The following LINGO2 variants were observed in gnomAD, a reference collection of about 807,000 sequenced individuals.
LINGO2 encodes the protein leucine-rich repeat and immunoglobulin-like domain-containing nogo receptor-interacting protein 2.
LINGO2 carries 14 observed loss-of-function variants against 30.6 expected under a neutral mutation model. The ratio of observed to expected loss-of-function variants is 0.46; its 90% CI spans 0.30 to 0.72. The LOEUF (loss-of-function observed/expected upper bound fraction) is 0.72. Among genes scored for constraint, LINGO2 ranks in the 30% least tolerant of loss-of-function variants. The probability of loss-of-function intolerance (pLI) is 0.07; values close to 1 mark genes in which losing one functional copy is unlikely to be tolerated. For synonymous variants in LINGO2, 317 were observed against 288.5 expected, an observed-to-expected ratio of 1.10 and a Z score of -1.00; for missense variants, 729 against 751.7, an observed-to-expected ratio of 0.97 and a Z score of 0.35.
At chr9:28,021,716 A>C (rs1054719209) in intron 4 of LINGO2, among the ~76,000 whole-genome samples, 1 of 152,106 alleles carries the variant, frequency 6.6e-6, no homozygotes, top group Admixed American at 6.6e-5. Flanking sequence ...CTCTTGGAGA[A>C]CTGACCTATT....
chr9:28,062,139 A>T (rs534155547), intron 4 of LINGO2, among the ~76,000 whole-genome samples: 1 of 152,020 alleles, frequency 6.6e-6, no homozygotes, highest in Non-Finnish European at 1.5e-5. Context: ...CCAAGACTGG[A>T]AAAGTAAAAG....
At chr9:29,189,158 C>T in the LINGO2 span, among the ~76,000 whole-genome samples, 1 of 145,766 alleles carries the variant, frequency 6.9e-6, no homozygotes, top group Non-Finnish European at 1.5e-5. Context: ...ACCCCCCCAC[C>T]TCCCTCCTGG....
chr9:28,300,685 C>T (rs1368601632), intron 3 of LINGO2, among the ~76,000 whole-genome samples: 1 of 152,008 alleles, frequency 6.6e-6, no homozygotes. Flanking sequence ...TTCCATCCTT[C>T]TTTCCTTTCC....
the LINGO2 span, among the ~76,000 whole-genome samples, chr9:28,737,843 C>T: frequency 6.6e-6 from 1 of 152,084 alleles, no homozygotes; most frequent in Non-Finnish European, 1.5e-5. Flanking sequence ...AACACACACA[C>T]ATGCACTTTA....
the LINGO2 span, among the ~76,000 whole-genome samples, chr9:28,902,743 G>A: frequency 1.3e-5 from 2 of 151,804 alleles, no homozygotes; most frequent in Admixed American, 1.3e-4. Context: ...CTTGGAAAAC[G>A]CAAAAATACA....
chr9:28,649,850 C>A (rs1374297098), intron 1 of LINGO2, among the ~76,000 whole-genome samples: 1 of 151,862 alleles, frequency 6.6e-6, no homozygotes, highest in Non-Finnish European at 1.5e-5. Flanking sequence ...AAAGGAAAAA[C>A]CAAAGAGAGA....
the LINGO2 span, among the ~76,000 whole-genome samples, chr9:28,889,641 A>G: frequency 3.9e-5 from 6 of 152,032 alleles, no homozygotes; most frequent in Non-Finnish European, 8.8e-5. Context: ...TAATAACTGG[A>G]ATCTTTTCTA....
chr9:29,097,909 T>G, the LINGO2 span, among the ~76,000 whole-genome samples: 5 of 139,836 alleles, frequency 3.6e-5, 1 homozygote, highest in South Asian at 6.7e-4. Context: ...TTGACCTGTA[T>G]CATAACAATT....
chr9:28,347,736 C>T (rs368604701), intron 3 of LINGO2, among the ~76,000 whole-genome samples: 1 of 152,150 alleles, frequency 6.6e-6, no homozygotes, highest in African/African-American at 2.4e-5. Flanking sequence ...ACCCAGGCGT[C>T]ATTATTATTT....
At chr9:29,115,404 T>G in the LINGO2 span, among the ~76,000 whole-genome samples, 1 of 152,104 alleles carries the variant, frequency 6.6e-6, no homozygotes, top group African/African-American at 2.4e-5. Flanking sequence ...ATTTCTATTT[T>G]AAATGAAACA....
At chr9:28,064,038 C>G (rs982301194) in intron 4 of LINGO2, among the ~76,000 whole-genome samples, 18 of 152,004 alleles carry the variant, frequency 1.2e-4, no homozygotes, top group African/African-American at 3.9e-4. Context: ...AGACCAAAAA[C>G]AATGTGTGAT....
intron 4 of LINGO2, among the ~76,000 whole-genome samples, chr9:28,152,325 C>G (rs954985990): frequency 4.6e-5 from 7 of 152,086 alleles, no homozygotes; most frequent in Admixed American, 3.3e-4. Context: ...CTCTTGCTTT[C>G]TTTCTCGCCA....
intron 4 of LINGO2, among the ~76,000 whole-genome samples, chr9:28,041,479 G>T (rs1265400706): frequency 6.6e-6 from 1 of 152,150 alleles, no homozygotes; most frequent in Admixed American, 6.5e-5. Flanking sequence ...ATAGAGGGGT[G>T]CTGGGTATGT....
the LINGO2 span, among the ~76,000 whole-genome samples, chr9:28,845,204 A>C: frequency 6.6e-6 from 1 of 151,920 alleles, no homozygotes; most frequent in Non-Finnish European, 1.5e-5. Context: ...TGTACTTGAC[A>C]GTGCGATGTG....
chr9:28,447,142 A>C (rs1267596371), intron 2 of LINGO2, among the ~76,000 whole-genome samples: 1 of 152,148 alleles, frequency 6.6e-6, no homozygotes, highest in African/African-American at 2.4e-5. Flanking sequence ...CCTGATATCT[A>C]TCCCCATATG....
At chr9:28,592,240 T>G (rs1160775888) in intron 1 of LINGO2, among the ~76,000 whole-genome samples, 1 of 152,082 alleles carries the variant, frequency 6.6e-6, no homozygotes, top group Non-Finnish European at 1.5e-5. Flanking sequence ...TACTATGTAT[T>G]TAATGAAACA....
chr9:28,027,460 C>CA (rs139994617), intron 4 of LINGO2, among the ~76,000 whole-genome samples: 9,918 of 152,060 alleles, frequency 0.065, 413 homozygotes, highest in Non-Finnish European at 0.094. Flanking sequence ...CACATAATCA[C>CA]AAAAAAATTA....
intron 4 of LINGO2, among the ~76,000 whole-genome samples, chr9:28,083,407 A>ACT (rs967295246): frequency 6.6e-6 from 1 of 151,590 alleles, no homozygotes; most frequent in African/African-American, 2.4e-5. Context: ...TTTTGAAAAG[A>ACT]CTCTCCTGAG....
intron 4 of LINGO2, among the ~76,000 whole-genome samples, chr9:28,267,194 A>G (rs530808085): frequency 3.6e-4 from 54 of 152,112 alleles, no homozygotes; most frequent in African/African-American, 1.1e-3. Context: ...AATACTCCAG[A>G]ACAATGTCTC....
Sources: gnomAD v4.1 joint callset for allele counts (sites outside exome capture counted in the v4.1 genomes callset) on GRCh38, gnomAD v4.1.1 for gene constraint, MANE v1.5 for transcripts, NCBI Gene and HGNC (gene_info 2026-07-23, HGNC 2026-07-21) for gene names.